C1QTNF3: variants seen among roughly 807,000 people sequenced by gnomAD.
C1QTNF3 encodes the protein C1q and TNF related 3.
C1QTNF3 carries 26 observed loss-of-function variants against 32.6 expected under a neutral mutation model. The ratio of observed to expected loss-of-function variants is 0.80; its 90% CI spans 0.58 to 1.11. C1QTNF3 has a LOEUF of 1.11. Among genes scored for constraint, C1QTNF3 ranks in the 50% least tolerant of loss-of-function variants. C1QTNF3 has a pLI of 0.00. For synonymous variants in C1QTNF3, 155 were observed against 146.0 expected (o/e 1.06, Z -0.44); for missense variants, 362 against 398.2 (o/e 0.91, Z 0.77).
At chr5:34,137,176 G>A in the C1QTNF3 span, among the ~76,000 whole-genome samples, 1 of 148,440 alleles carries the variant, frequency 6.7e-6, no homozygotes, top group Non-Finnish European at 1.5e-5. Flanking sequence ...ACTTCCCCTA[G>A]TAACAAAAGT....
chr5:34,183,796 A>G, the C1QTNF3 span, among the ~76,000 whole-genome samples: 1 of 152,334 alleles, frequency 6.6e-6, no homozygotes, highest in African/African-American at 2.4e-5. Context: ...TACAATTAAG[A>G]TATCAGTAAT....
At chr5:34,032,630 G>C (rs1000480135) in intron 3 of C1QTNF3, among the ~76,000 whole-genome samples, 1 of 152,092 alleles carries the variant, frequency 6.6e-6, no homozygotes, top group Admixed American at 6.6e-5. Flanking sequence ...AAACCCGTCT[G>C]TATTAGAAAT....
At chr5:34,056,454 G>GCA in the C1QTNF3 span, among the ~76,000 whole-genome samples, 16 of 48,964 alleles carry the variant, frequency 3.3e-4, no homozygotes, top group African/African-American at 1.2e-3. Flanking sequence ...GTGTGTGTGT[G>GCA]TATATATATA....
chr5:34,159,122 T>C, the C1QTNF3 span, among the ~76,000 whole-genome samples: 1 of 152,094 alleles, frequency 6.6e-6, no homozygotes, highest in East Asian at 1.9e-4. Flanking sequence ...TAAATAACTA[T>C]ATATTTCAGT....
the C1QTNF3 span, among the ~76,000 whole-genome samples, chr5:34,186,811 T>C: frequency 6.6e-6 from 1 of 152,310 alleles, no homozygotes; most frequent in Non-Finnish European, 1.5e-5. Flanking sequence ...CATAAAATGG[T>C]GGGATCTACC....
At position 34,043,103 on chromosome 5, in the gene C1QTNF3, T is replaced by C. The variant is rs1329567879; in HGVS notation, c.23A>G (p.Tyr8Cys). 18 of 1,613,006 alleles carry C rather than the reference T, an allele frequency of 1.1e-5. No individual in the cohort carries two copies. The highest frequency in any genetic ancestry group is 1.0e-5 in the Non-Finnish European group (12 of 1,179,924). Residue 8 changes from tyrosine (Y) to cysteine (C), a missense_variant, in exon 1 of 6, where the codon TAT (tyrosine) becomes TGT (cysteine). Physicochemically the swap from Tyr to Cys is radical, Grantham distance 194 (BLOSUM62 -2). Transcript: ENST00000382065. ...GAAAAACAAAGCCAGCAGTTGCCAA[T>C]AGATGAGCTGCCTCCAAAGCATGAT... Reference protein sequence around the residue: MLWRQLIYWQLLALFFLP... With the variant: MLWRQLICWQLLALFFLP...
the C1QTNF3 span, among the ~76,000 whole-genome samples, chr5:34,177,477 C>CA: frequency 3.2e-4 from 42 of 130,322 alleles, no homozygotes; most frequent in Non-Finnish European, 4.7e-4. Flanking sequence ...CGACCATACC[C>CA]AACTTTTTTT....
At chr5:34,226,167 C>T in the C1QTNF3 span, among the ~76,000 whole-genome samples, 1 of 151,924 alleles carries the variant, frequency 6.6e-6, no homozygotes, top group African/African-American at 2.4e-5. Flanking sequence ...TATAAACTAT[C>T]TTTAAATTTT....
At chr5:34,121,445 G>A in the C1QTNF3 span, among the ~76,000 whole-genome samples, 50 of 152,038 alleles carry the variant, frequency 3.3e-4, no homozygotes, top group African/African-American at 8.0e-4. Flanking sequence ...CTTACATGGC[G>A]GCGGCAAGAG....
At chr5:34,030,547 T>C (rs1482229031) in intron 3 of C1QTNF3, among the ~76,000 whole-genome samples, 2 of 152,196 alleles carry the variant, frequency 1.3e-5, no homozygotes, top group East Asian at 1.9e-4. Context: ...GCCACCTCTA[T>C]ACTACTAATA....
the C1QTNF3 span, among the ~76,000 whole-genome samples, chr5:34,131,796 T>C: frequency 5.3e-5 from 8 of 152,190 alleles, no homozygotes; most frequent in African/African-American, 1.2e-4. Context: ...CACAAAGAAA[T>C]GATAAATTTT....
At chr5:34,084,798 TTGTTTTTTTTG>T in the C1QTNF3 span, among the ~76,000 whole-genome samples, 356 of 25,166 alleles carry the variant, frequency 0.014, 62 homozygotes, top group African/African-American at 0.048. Flanking sequence ...GGTTTTTTTT[TTGTTTTTTTTG>T]TTTTTTTTCT....
At chr5:34,200,713 C>A in the C1QTNF3 span, 1 of 152,090 alleles carries the variant, frequency 6.6e-6, no homozygotes, top group African/African-American at 2.4e-5. Context: ...AGTTTTATTT[C>A]ATTTGTCTCT....
the C1QTNF3 span, chr5:34,165,361 CTCTCTCTG>C: frequency 6.6e-6 from 1 of 152,132 alleles, no homozygotes; most frequent in Admixed American, 6.6e-5. Flanking sequence ...ATCTCTCTCT[CTCTCTCTG>C]TATGTGTAGG....
intron 1 of C1QTNF3, among the ~76,000 whole-genome samples, chr5:34,036,221 C>A (rs1754733240): frequency 6.6e-6 from 1 of 151,900 alleles, no homozygotes. Flanking sequence ...ATCCATGATA[C>A]TGAGTTAAGA....
chr5:34,223,626 A>G, the C1QTNF3 span, among the ~76,000 whole-genome samples: 1 of 151,942 alleles, frequency 6.6e-6, no homozygotes, highest in African/African-American at 2.4e-5. Flanking sequence ...ACTAGTTTAC[A>G]GTCCCACCAA....
chr5:34,084,599 C>T, the C1QTNF3 span, among the ~76,000 whole-genome samples: 1 of 151,252 alleles, frequency 6.6e-6, no homozygotes, highest in Non-Finnish European at 1.5e-5. Context: ...AGCCTCACCA[C>T]ATCACCTTGT....
At chr5:34,195,640 G>T in the C1QTNF3 span, among the ~76,000 whole-genome samples, 1 of 152,234 alleles carries the variant, frequency 6.6e-6, no homozygotes, top group Admixed American at 6.5e-5. Flanking sequence ...AGGAGATCGA[G>T]ATCATCCTGG....
the C1QTNF3 span, among the ~76,000 whole-genome samples, chr5:34,216,944 T>C: frequency 6.6e-6 from 1 of 152,136 alleles, no homozygotes; most frequent in African/African-American, 2.4e-5. Flanking sequence ...AAACGGTGTG[T>C]CATTTGTGAA....
Sources: allele counts gnomAD v4.1 joint callset (sites outside exome capture counted in the v4.1 genomes callset), GRCh38; gene constraint gnomAD v4.1.1; transcripts MANE v1.5; gene names NCBI Gene and HGNC (gene_info 2026-07-23, HGNC 2026-07-21).